TNRC6B: variants seen among roughly 807,000 people sequenced by gnomAD.
TNRC6B encodes trinucleotide repeat-containing gene 6B protein.
TNRC6B carries 52 observed loss-of-function variants against 203.6 expected under a neutral mutation model. That is an observed-to-expected ratio of 0.26 (90% CI 0.20 to 0.32). The LOEUF (loss-of-function observed/expected upper bound fraction) is 0.32, where lower values mean the gene tolerates loss of function less well. Among genes scored for constraint, TNRC6B ranks in the 10% least tolerant of loss-of-function variants. The probability of loss-of-function intolerance (pLI) is 1.00; values close to 1 mark genes in which losing one functional copy is unlikely to be tolerated. For missense variants in TNRC6B, 1,923 were observed against 2,286.2 expected, an observed-to-expected ratio of 0.84 and a Z score of 3.24; for synonymous variants, 838 against 845.7, an observed-to-expected ratio of 0.99 and a Z score of 0.16.
chr22:40,097,669 TAC>T (rs6147625), intron 1 of TNRC6B, among the ~76,000 whole-genome samples: 16,339 of 135,240 alleles, frequency 0.12, 926 homozygotes, highest in African/African-American at 0.18. Context: ...AGGTATATCA[TAC>T]ACACACACAC....
chr22:40,060,351 A>G (rs944115277), intron 1 of TNRC6B, among the ~76,000 whole-genome samples: 1 of 151,926 alleles, frequency 6.6e-6, no homozygotes, highest in Non-Finnish European at 1.5e-5. Context: ...GCTAATTTTT[A>G]TAAATTTATT....
intron 1 of TNRC6B, among the ~76,000 whole-genome samples, chr22:40,208,582 A>G (rs374598156): frequency 2.6e-5 from 4 of 152,342 alleles, no homozygotes; most frequent in East Asian, 1.9e-4. Flanking sequence ...TGGTGTGGTC[A>G]ATCAAGGGAG....
chr22:40,331,737 C>A lies in TNRC6B; in HGVS notation c.*8496C>A. Reference sequence around the variant, plus strand: ...TGTTGTAAGGTGAATTGTAACTATGCATTCTGCAAAGGGGGTGGGGAGGAG... The same window carrying A: ...TGTTGTAAGGTGAATTGTAACTATGAATTCTGCAAAGGGGGTGGGGAGGAG... On this transcript the variant is annotated 3_prime_UTR_variant, in exon 23 of 23. Coordinates refer to ENST00000454349, the MANE Select transcript of TNRC6B (RefSeq NM_001162501.2). 1 of 217,982 alleles carries A rather than the reference C, an allele frequency of 4.6e-6. No homozygotes were observed. The highest frequency in any genetic ancestry group is 8.6e-6 in the Non-Finnish European group (1 of 116,876). 13.5% of individuals were successfully genotyped at this position (217,982 alleles called of 1,614,324 possible).
At chr22:40,083,155 G>A (rs1295497808) in intron 1 of TNRC6B, among the ~76,000 whole-genome samples, 1 of 152,186 alleles carries the variant, frequency 6.6e-6, no homozygotes, top group Non-Finnish European at 1.5e-5. Context: ...AATCAGAGGA[G>A]GATGAAGGAG....
At chr22:40,138,272 C>T (rs954556221) in intron 3 of TNRC6B, among the ~76,000 whole-genome samples, 4 of 152,084 alleles carry the variant, frequency 2.6e-5, no homozygotes, top group Non-Finnish European at 5.9e-5. Context: ...TTACTGTTAT[C>T]GTTATTTTTT....
chr22:40,068,960 T>G (rs1307418086), intron 1 of TNRC6B, among the ~76,000 whole-genome samples: 2 of 152,154 alleles, frequency 1.3e-5, no homozygotes, highest in Non-Finnish European at 2.9e-5. Context: ...TTAATTTTTA[T>G]TTTTGATTAA....
chr22:40,225,142 A>G (rs1471775918), intron 1 of TNRC6B, among the ~76,000 whole-genome samples: 1 of 152,236 alleles, frequency 6.6e-6, no homozygotes, highest in Non-Finnish European at 1.5e-5. Context: ...GTCAGACTCC[A>G]AAGGCTGTGC....
chr22:40,320,955 T>C lies in TNRC6B; in HGVS notation c.4975-135T>C, dbSNP rs1453741506. 3.1e-6 allele frequency: 3 copies of C among 954,882 alleles called. No homozygotes were observed. The African/African-American group carries it at 4.9e-5, about 16-fold the overall frequency. The allele number at this position is 954,882 out of a possible 1,614,324, so 59.2% of individuals were successfully genotyped here. ...AGACCATAGGCTGAATCATATGCTT[T>C]TGTTTTGAGCTGCATTTATGGAAAC... is the stretch of plus-strand genomic sequence containing the variant. On this transcript the variant is annotated intron_variant, in intron 21 of 22. Transcript: ENST00000454349.
chr22:40,315,989 G>C lies in TNRC6B; in HGVS notation c.4951G>C (p.Val1651Leu). ...CTCAGTTCGTCCTAGTTACTGGCTG[G>C]TTCTTCACAATCTCACCCCACAGGT... ...GGSVRPSYWL[V>L]LHNLTPQIDG... The change falls in exon 21 of 23, where the codon GTT (valine) becomes CTT (leucine). Residue 1651 changes from valine (V) to leucine (L), a missense_variant. By Grantham distance (32) the Val-to-Leu change is conservative. Coordinates refer to ENST00000454349, the MANE Select transcript of TNRC6B (RefSeq NM_001162501.2). The C allele has an allele frequency of 1.2e-6, 2 of 1,613,836 alleles. No individual in the cohort carries two copies. The highest frequency in any genetic ancestry group is 1.7e-6 in the Non-Finnish European group (2 of 1,179,840).
rs903722011 is a variant in TNRC6B, at chr22:40,326,787, C to G, written c.*3546C>G. 1 of 152,506 alleles carries G rather than the reference C, an allele frequency of 6.6e-6. No individual in the cohort carries two copies. The allele number at this position is 152,506 out of a possible 1,614,324, so 9.4% of individuals were successfully genotyped here. A position where few individuals can be genotyped will look rare whatever the true frequency, so the allele number is the denominator to read the frequency against. On this transcript the variant is annotated 3_prime_UTR_variant, in exon 23 of 23. Transcript: ENST00000454349. ...GAACAAATTTTAAATATAGGCATTA[C>G]TAGAGGAAAATTATCTATGGACTGT...
intron 1 of TNRC6B, among the ~76,000 whole-genome samples, chr22:40,180,762 G>A (rs949652546): frequency 2.0e-4 from 30 of 152,216 alleles, no homozygotes; most frequent in African/African-American, 7.2e-4. Flanking sequence ...AGATGTGGCC[G>A]ATGTTATGAA....
intron 3 of TNRC6B, among the ~76,000 whole-genome samples, chr22:40,253,110 T>C (rs1255253382): frequency 6.6e-6 from 1 of 151,366 alleles, no homozygotes; most frequent in Non-Finnish European, 1.5e-5. Flanking sequence ...TTCTTTTTTT[T>C]TTTTTGAGGC....
intron 1 of TNRC6B, among the ~76,000 whole-genome samples, chr22:40,070,282 T>C (rs2067936035): frequency 6.6e-6 from 1 of 152,248 alleles, no homozygotes; most frequent in Admixed American, 6.5e-5. Context: ...TTTTGTGATT[T>C]AGTAACTTCT....
chr22:40,219,551 C>T (rs148628861), intron 1 of TNRC6B, among the ~76,000 whole-genome samples: 13 of 152,292 alleles, frequency 8.5e-5, no homozygotes, highest in African/African-American at 2.9e-4. Flanking sequence ...GTGCCCCTCA[C>T]GCCACATCTG....
chr22:40,183,728 T>A (rs117010335), intron 1 of TNRC6B, among the ~76,000 whole-genome samples: 640 of 151,816 alleles, frequency 4.2e-3, no homozygotes, highest in Non-Finnish European at 6.8e-3. Flanking sequence ...ATGGAGTCAC[T>A]CTGTCGCCCG....
chr22:40,230,719 T>A (rs1183376555), intron 1 of TNRC6B, among the ~76,000 whole-genome samples: 1 of 152,190 alleles, frequency 6.6e-6, no homozygotes, highest in African/African-American at 2.4e-5. Context: ...AAATGTCTTT[T>A]GAAGAGCAGA....
chr22:40,132,969 A>AAAAAAAAAAAAAATATAT (rs1282694632), intron 3 of TNRC6B, among the ~76,000 whole-genome samples: 1 of 78,174 alleles, frequency 1.3e-5, no homozygotes, highest in Non-Finnish European at 2.6e-5. Flanking sequence ...AAAAAAAAAA[A>AAAAAAAAAAAAAATATAT]ATATATATAT....
At chr22:40,181,039 A>G (rs976598577) in intron 1 of TNRC6B, among the ~76,000 whole-genome samples, 2 of 152,234 alleles carry the variant, frequency 1.3e-5, no homozygotes, top group Non-Finnish European at 2.9e-5. Context: ...TCTCAATTTT[A>G]AAGTGCTTTT....
At chr22:40,296,628 G>A (rs925293550) in intron 12 of TNRC6B, among the ~76,000 whole-genome samples, 2 of 145,778 alleles carry the variant, frequency 1.4e-5, no homozygotes, top group African/African-American at 2.6e-5. Context: ...CACCGCGCCC[G>A]GCCTTTTTTT....
Sources: allele counts gnomAD v4.1 joint callset (sites outside exome capture counted in the v4.1 genomes callset), GRCh38; gene constraint gnomAD v4.1.1; transcripts MANE v1.5; gene names NCBI Gene and HGNC (gene_info 2026-07-23, HGNC 2026-07-21).